Variants in DDX43 observed in about 807,000 individuals in gnomAD.
The protein encoded by DDX43 is DEAD-box helicase 43.
A neutral mutation model predicts 84.9 loss-of-function variants in DDX43; 50 were observed. The observed-to-expected ratio is 0.59, with a 90% confidence interval of 0.47 to 0.75. The LOEUF (loss-of-function observed/expected upper bound fraction) is 0.75, where lower values mean the gene tolerates loss of function less well. Ranked by LOEUF, DDX43 falls within the 30% of genes least tolerant of loss-of-function variation. DDX43 has a pLI of 0.00. For missense variants in DDX43, 689 were observed against 798.6 expected, an observed-to-expected ratio of 0.86 and a Z score of 1.65; for synonymous variants, 291 against 266.3, an observed-to-expected ratio of 1.09 and a Z score of -0.90.
intron 12 of DDX43, 62 bp from the exon 13 acceptor site, chr6:73,413,908 G>T: frequency 6.6e-7 from 1 of 1,524,014 alleles, no homozygotes; most frequent in Non-Finnish European, 9.0e-7. Flanking sequence ...TTTGCTAACA[G>T]AAGTAAAACT....
intron 14 of DDX43, among the ~76,000 whole-genome samples, chr6:73,414,985 G>A (rs1371364614): frequency 1.3e-5 from 2 of 151,934 alleles, no homozygotes; most frequent in Non-Finnish European, 2.9e-5. Context: ...GATATGAGAC[G>A]ACCTTTTTCC....
intron 10 of DDX43, among the ~76,000 whole-genome samples, chr6:73,411,524 T>C (rs544457093): frequency 6.6e-6 from 1 of 151,838 alleles, no homozygotes; most frequent in African/African-American, 2.4e-5. Flanking sequence ...GCACAGACTT[T>C]CCCCATGTTG....
Position 73,401,878 on chromosome 6 carries a change from T to C in DDX43, c.456T>C (p.Ser152=), listed in dbSNP as rs1562283413. The C allele has an allele frequency of 2.5e-6, 4 of 1,613,408 alleles. No homozygotes were observed. The highest frequency in any genetic ancestry group is 1.1e-5 in the South Asian group (1 of 91,022). Residue 152 remains serine, a synonymous_variant, in exon 4 of 17, where the codon TCT becomes TCC. Transcript: ENST00000370336. ...ECGIDTAFQP[S]VGKDGSTDNN... is the part of the protein sequence containing the mutation. ...TAACAGATACTGCATTCCAACCTTC[T>C]GTTGGAAAAGATGGAAGCACAGATA... is the stretch of plus-strand genomic sequence containing the variant.
At chr6:73,412,454 A>G (rs973924685) in intron 11 of DDX43, among the ~76,000 whole-genome samples, 162 bp downstream of exon 11, 1 of 152,118 alleles carries the variant, frequency 6.6e-6, no homozygotes, top group East Asian at 1.9e-4. Context: ...TGAAATTTCA[A>G]TAATCAGCTA....
Position 73,414,150 on chromosome 6 carries a change from C to A in DDX43, c.1606+71C>A, listed in dbSNP as rs1027845312. ...ATACCTGGGCTTGGCTGAGTAACAT[C>A]TTTTCATGAAACCCATTTATTTCTA... On this transcript the variant is annotated intron_variant, in intron 13 of 16. Transcript: ENST00000370336. 2.1e-5 allele frequency: 19 copies of A among 910,742 alleles called. No individual in the cohort carries two copies. In the African/African-American group the frequency reaches 2.7e-4, roughly 13 times the overall value. The allele number at this position is 910,742 out of a possible 1,614,324, so 56.4% of individuals were successfully genotyped here. A position where few individuals can be genotyped will look rare whatever the true frequency, so the allele number is the denominator to read the frequency against.
At chr6:73,411,526 C>G (rs1443193657) in intron 10 of DDX43, among the ~76,000 whole-genome samples, 2 of 151,416 alleles carry the variant, frequency 1.3e-5, no homozygotes, top group Admixed American at 1.3e-4. Flanking sequence ...ACAGACTTTC[C>G]CCATGTTGAC....
At chr6:73,395,574 A>G (rs1051410148) in intron 1 of DDX43, among the ~76,000 whole-genome samples, 3 of 151,742 alleles carry the variant, frequency 2.0e-5, no homozygotes, top group African/African-American at 7.3e-5. Context: ...AGATCGCGCC[A>G]CTGCACTCCA....
At chr6:73,395,910 T>C (rs1024240454) in intron 1 of DDX43, among the ~76,000 whole-genome samples, 2 of 152,104 alleles carry the variant, frequency 1.3e-5, no homozygotes, top group East Asian at 1.9e-4. Flanking sequence ...TAAAAACTTT[T>C]CTTACTACAT....
chr6:73,397,162 A>C (rs1297096099), intron 1 of DDX43, among the ~76,000 whole-genome samples: 3 of 152,202 alleles, frequency 2.0e-5, no homozygotes, highest in Non-Finnish European at 4.4e-5. Context: ...CACCATTTTC[A>C]ATCCCACCAA....
At chr6:73,414,472 AG>A (rs2150802618) in intron 13 of DDX43, 75 bp from the exon 14 acceptor site, 1 of 1,188,158 alleles carries the variant, frequency 8.4e-7, no homozygotes, top group East Asian at 2.4e-5. Flanking sequence ...TAAATTAGTT[AG>A]GGCAAATATT....
intron 9 of DDX43, 73 bp from the exon 10 acceptor site, chr6:73,409,175 T>C: frequency 2.7e-6 from 3 of 1,106,378 alleles, no homozygotes; most frequent in Non-Finnish European, 4.1e-6. Context: ...AGTGTTCTAC[T>C]AATAAAGAAA....
intron 2 of DDX43, chr6:73,398,029 C>T (rs1224217244): frequency 1.3e-5 from 3 of 225,420 alleles, no homozygotes; most frequent in South Asian, 1.0e-4. Context: ...CCAGGCTGCT[C>T]TCAACTCCTG....
At position 73,398,158 on chromosome 6, in the gene DDX43, T is replaced by A. The variant is rs146341125; in HGVS notation, c.306+414T>A. On this transcript the variant is annotated intron_variant, in intron 2 of 16. Transcript: ENST00000370336. ...TATTAACATACTAGGGTAAATTAGG[T>A]AAGTTGCCAAAGTTCTTCATACTCC... Among the ~76,000 whole-genome samples the A allele has an allele frequency of 4.9e-3, 751 of 152,154 alleles. 8 individuals are homozygous for A. The highest frequency in any genetic ancestry group is 0.017 in the African/African-American group (715 of 41,502).
intron 3 of DDX43, 37 bp from the exon 4 acceptor site, chr6:73,401,822 A>G: frequency 6.8e-7 from 1 of 1,459,876 alleles, no homozygotes. Flanking sequence ...AAAAAAAAAA[A>G]TAGAAAAAAA....
intron 16 of DDX43, among the ~76,000 whole-genome samples, chr6:73,416,726 A>G (rs1769911117): frequency 6.6e-6 from 1 of 152,192 alleles, no homozygotes; most frequent in Admixed American, 6.6e-5. Flanking sequence ...TGTTTGGTAG[A>G]GAGTTTTTCA....
intron 3 of DDX43, 118 bp from the exon 4 acceptor site, chr6:73,401,741 G>T (rs923141535): frequency 2.2e-6 from 2 of 927,868 alleles, no homozygotes; most frequent in Non-Finnish European, 3.0e-6. Context: ...GGTGGAGCTT[G>T]CAGTGAGCCG....
At chr6:73,405,126 AG>A (rs1769652825) in intron 5 of DDX43, among the ~76,000 whole-genome samples, 1 of 152,094 alleles carries the variant, frequency 6.6e-6, no homozygotes, top group Non-Finnish European at 1.5e-5. Context: ...AAAAAAAAAA[AG>A]ATCTAATCTT....
chr6:73,398,221 A>G (rs1442073702), intron 2 of DDX43, among the ~76,000 whole-genome samples: 1 of 152,082 alleles, frequency 6.6e-6, no homozygotes, highest in Non-Finnish European at 1.5e-5. Context: ...AAGCTGTTCC[A>G]GGTGTAGGTT....
chr6:73,401,898 C>G lies in DDX43; in HGVS notation c.476C>G (p.Thr159Arg). Reference sequence around the variant, plus strand: ...CCTTCTGTTGGAAAAGATGGAAGCACAGATAACAATGTTGTTGCAGGAGAT... The same window carrying G: ...CCTTCTGTTGGAAAAGATGGAAGCAGAGATAACAATGTTGTTGCAGGAGAT... ...FQPSVGKDGS[T>R]DNNVVAGDRP... is the part of the protein sequence containing the mutation. The change falls in exon 4 of 17, where the codon ACA (threonine) becomes AGA (arginine). Residue 159 changes from threonine (T) to arginine (R), a missense_variant. This residue lies in a region of DDX43 where 552 missense variants were observed against 692.7 expected (regional missense o/e 0.80). Transcript: ENST00000370336. The G allele has an allele frequency of 1.9e-6, 3 of 1,613,072 alleles. No individual in the cohort carries two copies. In the South Asian group the frequency reaches 3.3e-5, roughly 18 times the overall value.
Sources: gnomAD v4.1 joint callset for allele counts (sites outside exome capture counted in the v4.1 genomes callset) on GRCh38, gnomAD v4.1.1 for gene constraint, gnomAD v4.1.1 regional missense constraint, MANE v1.5 for transcripts, NCBI Gene and HGNC (gene_info 2026-07-23, HGNC 2026-07-21) for gene names.